MPP7: variants seen among roughly 807,000 people sequenced by gnomAD.
MPP7 encodes the protein MAGUK p55 subfamily member 7.
A neutral mutation model predicts 76.5 loss-of-function variants in MPP7; 60 were observed. The observed-to-expected ratio is 0.78, with a 90% CI of 0.64 to 0.97. The LOEUF is 0.97. Among genes scored for constraint, MPP7 ranks in the 50% least tolerant of loss-of-function variants. The pLI is 0.00. For synonymous variants in MPP7, 237 were observed against 244.5 expected (o/e 0.97, Z 0.29); for missense variants, 641 against 694.0 (o/e 0.92, Z 0.86).
At chr10:28,179,280 T>C (rs1836981073) in intron 3 of MPP7, among the ~76,000 whole-genome samples, 1 of 152,068 alleles carries the variant, frequency 6.6e-6, no homozygotes, top group Admixed American at 6.6e-5. Context: ...AATACCCCCT[T>C]CTCTGCCCCT....
At chr10:28,246,157 T>C (rs1839427511) in intron 1 of MPP7, among the ~76,000 whole-genome samples, 1 of 152,084 alleles carries the variant, frequency 6.6e-6, no homozygotes, top group Non-Finnish European at 1.5e-5. Context: ...TAAGACATAT[T>C]ATAATTAAAT....
chr10:28,300,769 T>C (rs1443631005), intron 1 of MPP7, among the ~76,000 whole-genome samples: 1 of 150,828 alleles, frequency 6.6e-6, no homozygotes. Flanking sequence ...CTGGCCAACA[T>C]AGTGAAACCC....
At chr10:28,333,828 T>C (rs1025631059) in intron 1 of MPP7, among the ~76,000 whole-genome samples, 1 of 152,098 alleles carries the variant, frequency 6.6e-6, no homozygotes, top group African/African-American at 2.4e-5. Flanking sequence ...CTCCCAAACA[T>C]CCAAACCCAG....
At chr10:28,157,897 C>G (rs1396279372) in intron 3 of MPP7, among the ~76,000 whole-genome samples, 1 of 152,192 alleles carries the variant, frequency 6.6e-6, no homozygotes, top group Non-Finnish European at 1.5e-5. Context: ...TGTTCACTAT[C>G]CTTATCAGAC....
intron 3 of MPP7, among the ~76,000 whole-genome samples, chr10:28,184,733 A>C (rs1389596429): frequency 6.8e-6 from 1 of 148,052 alleles, no homozygotes; most frequent in Non-Finnish European, 1.5e-5. Context: ...TTATCCTAAT[A>C]TATAGTAATA....
At chr10:28,310,400 C>G (rs1056053421) in intron 2 of MPP7, among the ~76,000 whole-genome samples, 1 of 152,140 alleles carries the variant, frequency 6.6e-6, no homozygotes, top group East Asian at 1.9e-4. Flanking sequence ...TCCTGCTCCA[C>G]TCTCCCATGT....
intron 4 of MPP7, 87 bp from the exon 5 acceptor site, chr10:28,147,650 C>A: frequency 9.0e-7 from 1 of 1,115,400 alleles, no homozygotes. Context: ...CTAACTTGCT[C>A]AAGGCTATTA....
intron 13 of MPP7, among the ~76,000 whole-genome samples, chr10:28,068,881 T>C (rs148050767): frequency 6.6e-6 from 1 of 152,350 alleles, no homozygotes; most frequent in African/African-American, 2.4e-5. Context: ...CTAAAATTCA[T>C]CATAAAAACC....
chr10:28,300,793 A>G, intron 1 of MPP7, among the ~76,000 whole-genome samples: 1 of 147,062 alleles, frequency 6.8e-6, no homozygotes, highest in East Asian at 2.5e-4. Flanking sequence ...CTCTACAAAA[A>G]TATTAAAAAA....
At chr10:28,071,156 G>C (rs1444098438) in intron 12 of MPP7, among the ~76,000 whole-genome samples, 1 of 152,222 alleles carries the variant, frequency 6.6e-6, no homozygotes, top group Non-Finnish European at 1.5e-5. Flanking sequence ...ACAGTGGCTA[G>C]CACAGTGTCC....
At chr10:28,066,969 T>A (rs1047492850) in intron 13 of MPP7, among the ~76,000 whole-genome samples, 6 of 152,202 alleles carry the variant, frequency 3.9e-5, no homozygotes, top group Non-Finnish European at 8.8e-5. Context: ...TTGAGTAGTT[T>A]CCAGTTCTGA....
At chr10:28,215,657 T>C (rs1172543910) in intron 2 of MPP7, among the ~76,000 whole-genome samples, 1 of 152,148 alleles carries the variant, frequency 6.6e-6, no homozygotes, top group African/African-American at 2.4e-5. Context: ...GCTTAGACTC[T>C]AGAGCCATGC....
At chr10:28,231,690 CAG>C (rs752822398) in intron 2 of MPP7, among the ~76,000 whole-genome samples, 4 of 152,032 alleles carry the variant, frequency 2.6e-5, no homozygotes, top group African/African-American at 4.8e-5. Context: ...CAAGAAGAAA[CAG>C]AAAGCTAGAA....
intron 13 of MPP7, among the ~76,000 whole-genome samples, chr10:28,061,273 C>G (rs1039460853): frequency 2.6e-5 from 4 of 151,562 alleles, no homozygotes; most frequent in African/African-American, 7.3e-5. Flanking sequence ...AAACAGGTAC[C>G]ATAACTAAGC....
intron 12 of MPP7, among the ~76,000 whole-genome samples, chr10:28,087,387 C>CT (rs1204576641): frequency 8.6e-5 from 13 of 151,602 alleles, no homozygotes; most frequent in African/African-American, 1.5e-4. Context: ...TAACACATGC[C>CT]TTTTTTTTTC....
At chr10:28,161,038 C>T (rs1189638505) in intron 3 of MPP7, among the ~76,000 whole-genome samples, 1 of 152,178 alleles carries the variant, frequency 6.6e-6, no homozygotes, top group Admixed American at 6.5e-5. Context: ...TTGCTGCCAC[C>T]GTTAGCGCAT....
At chr10:28,305,777 T>A (rs1160067563), upstream of MPP7, 1 of 152,232 alleles carries the variant, frequency 6.6e-6, no homozygotes, top group Non-Finnish European at 1.5e-5. Flanking sequence ...CTAGCCTGGA[T>A]GGCCCCAGAA....
At chr10:28,138,032 T>C (rs1474577312) in intron 5 of MPP7, among the ~76,000 whole-genome samples, 4 of 152,246 alleles carry the variant, frequency 2.6e-5, no homozygotes, top group Admixed American at 1.3e-4. Context: ...TCATTCATCT[T>C]GCATGCTCAG....
In MPP7 at chr10:28,069,800, G is replaced by A; in HGVS notation, c.1176C>T (p.Asp392=). 3 of 1,614,040 alleles carry A rather than the reference G, an allele frequency of 1.9e-6. No homozygotes were observed. The highest frequency in any genetic ancestry group is 1.7e-6 in the Non-Finnish European group (2 of 1,179,976). ...GCACTGTCACGCCATAGTGCTGGGT[G>A]TCACTGATCAGCAGCTTTCGTTTCA... The part of the protein sequence containing the change: ...NELKRKLLIS[D]TQHYGVTVPH... Residue 392 remains aspartate, a synonymous_variant, in exon 13 of 17, where the codon GAC becomes GAT. Transcript: ENST00000683449.
Sources: gnomAD v4.1 joint callset for allele counts (sites outside exome capture counted in the v4.1 genomes callset) on GRCh38, gnomAD v4.1.1 for gene constraint, MANE v1.5 for transcripts, NCBI Gene and HGNC (gene_info 2026-07-23, HGNC 2026-07-21) for gene names.